Variants in ZNG1A observed in about 807,000 individuals in gnomAD.
The protein encoded by ZNG1A is Zn regulated GTPase metalloprotein activator 1A.
chr9:122,341 T>C, the ZNG1A span: 6 of 1,357,690 alleles, frequency 4.4e-6, no homozygotes, highest in East Asian at 2.9e-5. Flanking sequence ...ATAAAGTTAA[T>C]ACATATATTA....
At chr9:145,660 G>A in the ZNG1A span, among the ~76,000 whole-genome samples, 6 of 150,614 alleles carry the variant, frequency 4.0e-5, no homozygotes, top group African/African-American at 1.5e-4. Context: ...TAACTAACCT[G>A]CACATTGTGC....
chr9:143,475 C>T, the ZNG1A span, among the ~76,000 whole-genome samples: 1 of 113,526 alleles, frequency 8.8e-6, no homozygotes, highest in African/African-American at 4.0e-5. Context: ...GCAGAAAAGG[C>T]CTTTGACAAA....
the ZNG1A span, chr9:149,120 T>C: frequency 5.3e-5 from 8 of 150,770 alleles, no homozygotes; most frequent in African/African-American, 7.4e-5. Flanking sequence ...TTTCCAAACC[T>C]GCTTCCACCA....
the ZNG1A span, among the ~76,000 whole-genome samples, chr9:169,853 G>C: frequency 1.0e-5 from 1 of 96,752 alleles, no homozygotes; most frequent in Non-Finnish European, 2.0e-5. Context: ...TATAAACACA[G>C]CTTTTTTTTT....
chr9:158,961 T>C, the ZNG1A span, among the ~76,000 whole-genome samples: 1 of 152,148 alleles, frequency 6.6e-6, no homozygotes, highest in Non-Finnish European at 1.5e-5. Flanking sequence ...ATGTCTTCTA[T>C]TCAAAAGAAC....
the ZNG1A span, chr9:135,149 T>C: frequency 6.7e-7 from 1 of 1,500,010 alleles, no homozygotes; most frequent in Non-Finnish European, 9.0e-7. Context: ...TAATATTCTG[T>C]AATTGCAATT....
chr9:127,598 C>T, the ZNG1A span, among the ~76,000 whole-genome samples: 7 of 152,304 alleles, frequency 4.6e-5, no homozygotes, highest in African/African-American at 1.7e-4. Context: ...CTCTTGAAGG[C>T]AACAGATAGT....
chr9:129,155 C>T, the ZNG1A span, among the ~76,000 whole-genome samples: 5 of 152,108 alleles, frequency 3.3e-5, no homozygotes, highest in African/African-American at 4.8e-5. Context: ...TACTGGTTGG[C>T]CTGCTGCAGG....
chr9:129,109 G>C, the ZNG1A span, among the ~76,000 whole-genome samples: 3,281 of 151,548 alleles, frequency 0.022, 113 homozygotes, highest in African/African-American at 0.071. Context: ...ACTCTTTGAG[G>C]GTTCTTAGCT....
the ZNG1A span, chr9:162,499 T>C: frequency 1.9e-6 from 3 of 1,568,684 alleles, no homozygotes; most frequent in Non-Finnish European, 2.6e-6. Flanking sequence ...TTAATCACTT[T>C]TTAAAAAGAA....
chr9:170,207 A>T, the ZNG1A span, among the ~76,000 whole-genome samples: 1 of 150,474 alleles, frequency 6.6e-6, no homozygotes, highest in Non-Finnish European at 1.5e-5. Context: ...AGAGATTCCG[A>T]TTCAGTAGAT....
At chr9:154,003 GA>G in the ZNG1A span, 1 of 152,152 alleles carries the variant, frequency 6.6e-6, no homozygotes, top group Non-Finnish European at 1.5e-5. Flanking sequence ...AACCTCATTT[GA>G]AAAGCCCATC....
chr9:141,362 C>T, the ZNG1A span, among the ~76,000 whole-genome samples: 41 of 147,854 alleles, frequency 2.8e-4, no homozygotes, highest in African/African-American at 9.6e-4. Context: ...ACTCTACAAG[C>T]CAGAAGAGAG....
chr9:172,308 C>A, the ZNG1A span: 2 of 1,081,192 alleles, frequency 1.8e-6, no homozygotes, highest in Non-Finnish European at 2.7e-6. Context: ...TCACTTCTAA[C>A]CTTCTAACAA....
chr9:135,820 A>AG, the ZNG1A span, among the ~76,000 whole-genome samples: 1 of 111,480 alleles, frequency 9.0e-6, no homozygotes, highest in Non-Finnish European at 1.7e-5. Context: ...GGGTCCTAGT[A>AG]GGGAGAATGT....
the ZNG1A span, among the ~76,000 whole-genome samples, chr9:127,201 T>G: frequency 6.6e-6 from 1 of 152,138 alleles, no homozygotes; most frequent in African/African-American, 2.4e-5. Context: ...CTCCATTTGT[T>G]CCAAGGTATA....
chr9:124,196 C>T, the ZNG1A span, among the ~76,000 whole-genome samples: 1 of 150,770 alleles, frequency 6.6e-6, no homozygotes, highest in Admixed American at 6.6e-5. Flanking sequence ...AGAAGCTTAA[C>T]ATTTCCTCTA....
chr9:160,243 C>T, the ZNG1A span: 2 of 452,170 alleles, frequency 4.4e-6, no homozygotes, highest in South Asian at 3.1e-5. Flanking sequence ...GGCTGGCTGG[C>T]CACAGGGTAC....
At chr9:159,471 T>C in the ZNG1A span, among the ~76,000 whole-genome samples, 16 of 152,338 alleles carry the variant, frequency 1.1e-4, no homozygotes, top group African/African-American at 3.8e-4. Flanking sequence ...TGTGAGGTGA[T>C]GGATAGGTTA....
Sources: gnomAD v4.1 joint callset for allele counts (sites outside exome capture counted in the v4.1 genomes callset) on GRCh38, gnomAD v4.1.1 for gene constraint, MANE v1.5 for transcripts, NCBI Gene and HGNC (gene_info 2026-07-23, HGNC 2026-07-21) for gene names.